Variants in DHRS1 observed in about 807,000 individuals in gnomAD.
DHRS1 encodes dehydrogenase/reductase SDR family member 1.
DHRS1 carries 34 observed loss-of-function variants against 35.2 expected under a neutral mutation model. The ratio of observed to expected loss-of-function variants is 0.97; its 90% confidence interval spans 0.74 to 1.29. The LOEUF is 1.29. DHRS1 is among the 50% of genes most tolerant of loss of function. The probability of loss-of-function intolerance (pLI) is 0.00; values close to 1 mark genes in which losing one functional copy is unlikely to be tolerated. For synonymous variants in DHRS1, 133 were observed against 160.0 expected (o/e 0.83, Z 1.27); for missense variants, 354 against 403.6 (o/e 0.88, Z 1.05).
chr14:24,292,401 C>T, intron 5 of DHRS1, 71 bp from the exon 6 acceptor site: 1 of 1,594,236 alleles, frequency 6.3e-7, no homozygotes. Flanking sequence ...CTCTCTGCTT[C>T]TACTGTGAAT....
chr14:24,291,229 CACAG>C lies in DHRS1; in HGVS notation c.725-14_725-11del, dbSNP rs1317467822. On this transcript the variant is annotated splice_polypyrimidine_tract_variant and intron_variant, in intron 7 of 8. Transcript: ENST00000288111. The stretch of plus-strand genomic sequence containing the variant: ...CTCAGGATATTGGGATCTGCGGGCA[CACAG>C]ACAGGTGGAGATGGCAGGCAGGGGA... The C allele has an allele frequency of 3.7e-6, 6 of 1,613,932 alleles. No homozygotes were observed. Among genetic ancestry groups the C allele is most frequent in the East Asian group, 2.2e-5 (1 of 44,888 alleles).
Position 24,299,726 on chromosome 14 carries a change from G to T in DHRS1, c.-170C>A. 1 of 514,658 alleles carries T rather than the reference G, an allele frequency of 1.9e-6. No individual in the cohort carries two copies. The highest frequency in any genetic ancestry group is 3.4e-6 in the Non-Finnish European group (1 of 293,310). 31.9% of individuals were successfully genotyped at this position (514,658 alleles called of 1,614,324 possible). ...CCCGGGGCGATTCTGTGCTGAGGTA[G>T]AGGGGCAGAGTCCCAGGCCAAAGTT... On this transcript the variant is annotated 5_prime_UTR_variant, in exon 1 of 9. Transcript: ENST00000288111.
chr14:24,291,745 C>T (rs1042195612), intron 6 of DHRS1, 120 bp from the exon 7 acceptor site: 2 of 1,055,706 alleles, frequency 1.9e-6, no homozygotes, highest in African/African-American at 3.1e-5. Context: ...CCAAAGACCT[C>T]AAGCAGGGCC....
At chr14:24,298,225 T>C (rs2041295085) in intron 2 of DHRS1, among the ~76,000 whole-genome samples, 1 of 152,068 alleles carries the variant, frequency 6.6e-6, no homozygotes, top group Admixed American at 6.5e-5. Flanking sequence ...ATTTAAAAAA[T>C]ATTTTTTGTA....
intron 6 of DHRS1, 39 bp downstream of exon 6, chr14:24,292,145 T>C (rs2041167143): frequency 6.2e-7 from 1 of 1,612,434 alleles, no homozygotes; most frequent in South Asian, 1.1e-5. Flanking sequence ...AGAGGCCGAC[T>C]CCCCTGTTCT....
chr14:24,299,110 TCA>T lies in DHRS1; in HGVS notation c.-6_-5del. The T allele has an allele frequency of 6.2e-7, 1 of 1,610,984 alleles. No individual in the cohort carries two copies. The highest frequency in any genetic ancestry group is 8.5e-7 in the Non-Finnish European group (1 of 1,177,650). The stretch of plus-strand genomic sequence containing the variant: ...GGCCATTCATGGGAGCTGCCATGAC[TCA>T]CAGGCAAAGGAGGCAGGTCTGTGGA... On this transcript the variant is annotated 5_prime_UTR_variant, in exon 2 of 9. Coordinates refer to ENST00000288111, the MANE Select transcript of DHRS1 (RefSeq NM_001136050.3).
intron 2 of DHRS1, among the ~76,000 whole-genome samples, chr14:24,298,249 G>A (rs1260054734): frequency 6.6e-6 from 1 of 152,120 alleles, no homozygotes; most frequent in Non-Finnish European, 1.5e-5. Flanking sequence ...ACTGGGTCTA[G>A]CTATGTTGCC....
In DHRS1 at chr14:24,291,574, C is replaced by T. The variant is rs367792850; in HGVS notation, c.706G>A (p.Val236Met). 5.0e-6 allele frequency: 8 copies of T among 1,614,148 alleles called. No individual in the cohort carries two copies. In the East Asian group the frequency reaches 6.7e-5, roughly 13 times the overall value. Reference protein sequence around the residue: ...AETTELSGKCVVALATDPNIL... With the variant: ...AETTELSGKCMVALATDPNIL... ...ACTTCACCTGTTGCCAAAGCCACCA[C>T]ACATTTGCCACTCAATTCTGTGGTT... is the stretch of plus-strand genomic sequence containing the variant. Residue 236 changes from valine (V) to methionine (M), a missense_variant, in exon 7 of 9, where the codon GTG (valine) becomes ATG (methionine). Val to Met is a conservative substitution (Grantham distance 21). Coordinates refer to ENST00000288111, the MANE Select transcript of DHRS1 (RefSeq NM_001136050.3).
rs2041141823 is a variant in DHRS1 at position 24,290,658 on chromosome 14, G to A, written c.*201C>T. The A allele has an allele frequency of 3.5e-6, 2 of 575,954 alleles. No individual in the cohort carries two copies. Among genetic ancestry groups the A allele is most frequent in the East Asian group, 3.0e-5 (1 of 33,852 alleles). The allele number at this position is 575,954 out of a possible 1,614,324, so 35.7% of individuals were successfully genotyped here. On this transcript the variant is annotated 3_prime_UTR_variant, in exon 9 of 9. Transcript: ENST00000288111. ...GCATTTTTCAATACTAAGGCAAAAAGTAAAAAGAAGGACAAGGAAAACCAA... is the reference window on the plus strand; with the variant it reads ...GCATTTTTCAATACTAAGGCAAAAAATAAAAAGAAGGACAAGGAAAACCAA...
In DHRS1 at chr14:24,296,858, A is replaced by C; in HGVS notation, c.174T>G (p.Cys58Trp). The C allele has an allele frequency of 1.2e-6, 2 of 1,614,250 alleles. No individual in the cohort carries two copies. The highest frequency in any genetic ancestry group is 1.7e-6 in the Non-Finnish European group (2 of 1,180,038). ...GGCTTGAATCGCACACCACAGGCAC[A>C]CATTGGCCCCCGAGGGATTGTGCCT... ...AQEAQSLGGQ[C>W]VPVVCDSSQE... The change falls in exon 3 of 9, where the codon TGT (cysteine) becomes TGG (tryptophan). Residue 58 changes from cysteine to tryptophan, a missense_variant. By Grantham distance (215) the Cys-to-Trp change is radical. Coordinates refer to ENST00000288111, the MANE Select transcript of DHRS1 (RefSeq NM_001136050.3).
chr14:24,292,829 T>C (rs758354160), intron 4 of DHRS1, 45 bp from the exon 5 acceptor site: 1 of 1,573,542 alleles, frequency 6.4e-7, no homozygotes, highest in Non-Finnish European at 8.6e-7. Flanking sequence ...GTGTTAGTGC[T>C]GGCCTGGGTG....
Position 24,296,551 on chromosome 14 carries a change from G to A in DHRS1, c.332C>T (p.Thr111Ile), listed in dbSNP as rs1433344944. ...LNTRNKAFWE[T>I]PASMWDDINN... is the part of the protein sequence containing the mutation. ...GATATCATCCCACATGGAGGCAGGG[G>A]TTTCCCAGAATGCCTTATTCCTGGT... is the stretch of plus-strand genomic sequence containing the variant. Residue 111 changes from threonine to isoleucine, a missense_variant, in exon 4 of 9, where the codon ACC (threonine) becomes ATC (isoleucine). By Grantham distance (89) the Thr-to-Ile change is moderately conservative. Coordinates refer to ENST00000288111, the MANE Select transcript of DHRS1 (RefSeq NM_001136050.3). 1.2e-6 allele frequency: 2 copies of A among 1,614,200 alleles called. No individual in the cohort carries two copies. Among genetic ancestry groups the A allele is most frequent in the South Asian group, 1.1e-5 (1 of 91,084 alleles).
At chr14:24,291,728 A>G in intron 6 of DHRS1, 103 bp from the exon 7 acceptor site, 1 of 1,216,422 alleles carries the variant, frequency 8.2e-7, no homozygotes, top group Non-Finnish European at 1.2e-6. Flanking sequence ...ACCAAAGACC[A>G]AAGAGGCCAA....
chr14:24,294,090 C>A (rs2139093623), intron 4 of DHRS1: 1 of 151,934 alleles, frequency 6.6e-6, no homozygotes, highest in South Asian at 2.1e-4. Context: ...CTAAAAGGAT[C>A]AAATATTTAA....
chr14:24,296,035 G>A (rs1468631255), intron 4 of DHRS1, among the ~76,000 whole-genome samples: 1 of 152,224 alleles, frequency 6.6e-6, no homozygotes, highest in Admixed American at 6.5e-5. Context: ...GTGACCCAGT[G>A]ATGTACCTGC....
chr14:24,298,218 T>TA (rs996802481), intron 2 of DHRS1, among the ~76,000 whole-genome samples: 160 of 152,142 alleles, frequency 1.1e-3, no homozygotes, highest in African/African-American at 3.8e-3. Context: ...GCTAATTATT[T>TA]AAAAAATATT....
rs757973563 is a variant in DHRS1 at position 24,291,540 on chromosome 14, T to G, written c.724+16A>C. On this transcript the variant is annotated intron_variant, in intron 7 of 8. Transcript: ENST00000288111. ...CTCCATGCCCTTTCTTATTACCAGC[T>G]GCCCCCAAACTTCACCTGTTGCCAA... 1 of 1,614,074 alleles carries G rather than the reference T, an allele frequency of 6.2e-7. No homozygotes were observed.
chr14:24,291,902 G>A (rs2041164030), intron 6 of DHRS1: 1 of 600,828 alleles, frequency 1.7e-6, no homozygotes, highest in Admixed American at 3.0e-5. Flanking sequence ...AAGCTAGCTG[G>A]TGTGGGGGTC....
intron 4 of DHRS1, among the ~76,000 whole-genome samples, chr14:24,296,025 G>GC (rs2041242270): frequency 6.6e-6 from 1 of 152,222 alleles, no homozygotes; most frequent in African/African-American, 2.4e-5. Flanking sequence ...ATGACCCTGT[G>GC]TGACCCAGTG....
Sources: allele counts gnomAD v4.1 joint callset (sites outside exome capture counted in the v4.1 genomes callset), GRCh38; gene constraint gnomAD v4.1.1; transcripts MANE v1.5; gene names NCBI Gene and HGNC (gene_info 2026-07-23, HGNC 2026-07-21).